WDR70: variants seen among roughly 807,000 people sequenced by gnomAD.
WDR70 encodes the protein WD repeat-containing protein 70.
In WDR70, 53 loss-of-function variants were observed where a neutral mutation model predicts 88.6. The ratio of observed to expected loss-of-function variants is 0.60; its 90% confidence interval spans 0.48 to 0.75. The LOEUF (loss-of-function observed/expected upper bound fraction) is 0.75, where lower values mean the gene tolerates loss of function less well. Among genes scored for constraint, WDR70 ranks in the 30% least tolerant of loss-of-function variants. The pLI, the probability that WDR70 is intolerant of heterozygous loss-of-function variation, is 0.00. For missense variants in WDR70, 610 were observed against 823.2 expected, an observed-to-expected ratio of 0.74 and a Z score of 3.17; for synonymous variants, 280 against 270.0, an observed-to-expected ratio of 1.04 and a Z score of -0.36.
intron 11 of WDR70, chr5:37,700,442 A>T (rs975102986): frequency 1.3e-5 from 2 of 152,420 alleles, no homozygotes; most frequent in South Asian, 4.1e-4. Context: ...GAACACAAAA[A>T]GTGATTCCTT....
intron 10 of WDR70, among the ~76,000 whole-genome samples, chr5:37,682,456 CT>C (rs1428268726): frequency 6.6e-6 from 1 of 151,798 alleles, no homozygotes; most frequent in Non-Finnish European, 1.5e-5. Context: ...TATTTTTTGT[CT>C]TTTGCTAGCT....
At chr5:37,425,652 T>A (rs1010604967) in intron 5 of WDR70, among the ~76,000 whole-genome samples, 1 of 152,220 alleles carries the variant, frequency 6.6e-6, no homozygotes, top group East Asian at 1.9e-4. Context: ...GCTTTTCCTT[T>A]TATGCTGTTT....
intron 7 of WDR70, among the ~76,000 whole-genome samples, chr5:37,459,298 A>T (rs1208832575): frequency 8.2e-6 from 1 of 121,680 alleles, no homozygotes; most frequent in African/African-American, 2.7e-5. Flanking sequence ...AAAAATGTAT[A>T]TTCTTTTGAT....
chr5:37,612,946 A>C (rs570683246), intron 10 of WDR70, among the ~76,000 whole-genome samples: 1 of 152,346 alleles, frequency 6.6e-6, no homozygotes, highest in East Asian at 1.9e-4. Flanking sequence ...CATTGATTCA[A>C]AACACAAAAC....
intron 10 of WDR70, among the ~76,000 whole-genome samples, chr5:37,675,635 A>G (rs1746181083): frequency 6.6e-6 from 1 of 152,132 alleles, no homozygotes; most frequent in Admixed American, 6.5e-5. Context: ...TGGTTACTGT[A>G]GCCTTGTACT....
At chr5:37,569,208 A>G (rs1229999611) in intron 9 of WDR70, among the ~76,000 whole-genome samples, 4 of 152,202 alleles carry the variant, frequency 2.6e-5, no homozygotes, top group Non-Finnish European at 4.4e-5. Context: ...AGAGCAAGAA[A>G]TGTTTATTGT....
intron 10 of WDR70, among the ~76,000 whole-genome samples, chr5:37,656,499 A>C (rs1234756167): frequency 6.6e-6 from 1 of 152,234 alleles, no homozygotes; most frequent in African/African-American, 2.4e-5. Flanking sequence ...TGCTCTCTTC[A>C]GAGCTGGCAG....
intron 5 of WDR70, among the ~76,000 whole-genome samples, chr5:37,428,014 T>TC (rs1028052897): frequency 6.6e-6 from 1 of 151,946 alleles, no homozygotes; most frequent in Non-Finnish European, 1.5e-5. Context: ...CTCCTTTTTT[T>TC]TTTTTTTCCC....
rs1746118332 is a variant in WDR70, at chr5:37,674,043, T to TTTGG, written c.1093-23612_1093-23611insTTGG. ...TTGATGGGCATTTAGGTTGATTCCA[T>TTTGG]GTCTTTGTTATTGTGAATAGTGCTG... is the stretch of plus-strand genomic sequence containing the variant. On this transcript the variant is annotated intron_variant, in intron 10 of 17. Transcript: ENST00000265107. Among the ~76,000 whole-genome samples the TTTGG allele has an allele frequency of 4.0e-5, 6 of 151,736 alleles. No individual in the cohort carries two copies. In the South Asian group the frequency reaches 1.2e-3, roughly 31 times the overall value.
chr5:37,630,772 G>A (rs553580682), intron 10 of WDR70, among the ~76,000 whole-genome samples: 8 of 152,248 alleles, frequency 5.3e-5, no homozygotes, highest in African/African-American at 1.9e-4. Flanking sequence ...AGTGCAGTAG[G>A]GCTACTGGCT....
At chr5:37,721,082 T>A (rs1367158846) in intron 13 of WDR70, 33 bp from the exon 14 acceptor site, 1 of 1,599,806 alleles carries the variant, frequency 6.3e-7, no homozygotes, top group Non-Finnish European at 8.6e-7. Flanking sequence ...TTATCTGGCC[T>A]CTTTAGTCAA....
intron 10 of WDR70, among the ~76,000 whole-genome samples, chr5:37,696,851 A>C (rs1746998058): frequency 6.6e-6 from 1 of 152,236 alleles, no homozygotes; most frequent in Non-Finnish European, 1.5e-5. Context: ...ATTGGTGTAG[A>C]ATTACAAGTC....
intron 9 of WDR70, among the ~76,000 whole-genome samples, chr5:37,531,482 A>G (rs2112306094): frequency 6.6e-6 from 1 of 151,976 alleles, no homozygotes; most frequent in Non-Finnish European, 1.5e-5. Context: ...ATACATACAT[A>G]TATATTTATT....
intron 3 of WDR70, among the ~76,000 whole-genome samples, chr5:37,391,551 C>T (rs1416703818): frequency 6.6e-6 from 1 of 152,198 alleles, no homozygotes; most frequent in Non-Finnish European, 1.5e-5. Context: ...TCTCACTTAG[C>T]ATAGTGTCCT....
chr5:37,473,234 CT>C (rs11331914), intron 7 of WDR70, among the ~76,000 whole-genome samples: 128,684 of 148,082 alleles, frequency 0.87, 58,735 homozygotes, highest in East Asian at 1. Context: ...TCTTTTTATT[CT>C]TTTTTTTTTT....
intron 9 of WDR70, among the ~76,000 whole-genome samples, chr5:37,533,556 A>G (rs951458347): frequency 2.1e-5 from 3 of 145,914 alleles, no homozygotes; most frequent in African/African-American, 5.0e-5. Flanking sequence ...GGGCGGGGCC[A>G]TAGAGCTTTC....
intron 9 of WDR70, among the ~76,000 whole-genome samples, chr5:37,570,649 A>G (rs1742874200): frequency 6.6e-6 from 1 of 152,224 alleles, no homozygotes; most frequent in Admixed American, 6.5e-5. Flanking sequence ...TCACAGAACT[A>G]AGAGAATGTG....
chr5:37,728,896 C>G (rs1748063125), intron 17 of WDR70, among the ~76,000 whole-genome samples: 1 of 152,046 alleles, frequency 6.6e-6, no homozygotes, highest in African/African-American at 2.4e-5. Flanking sequence ...TCCCTCTTTT[C>G]TTCTGTGTTT....
intron 5 of WDR70, among the ~76,000 whole-genome samples, chr5:37,420,532 T>C (rs1749913484): frequency 6.6e-6 from 1 of 152,198 alleles, no homozygotes; most frequent in African/African-American, 2.4e-5. Context: ...CTCGAACTCC[T>C]GGGCTTAAGT....
Sources: allele counts gnomAD v4.1 joint callset (sites outside exome capture counted in the v4.1 genomes callset), GRCh38; gene constraint gnomAD v4.1.1; transcripts MANE v1.5; gene names NCBI Gene and HGNC (gene_info 2026-07-23, HGNC 2026-07-21).